Variants in NPY2R observed in about 807,000 individuals in gnomAD.
The protein encoded by NPY2R is neuropeptide Y receptor type 2.
A neutral mutation model predicts 22.3 loss-of-function variants in NPY2R; 17 were observed. The observed-to-expected ratio is 0.76, with a 90% CI of 0.52 to 1.14. The LOEUF (loss-of-function observed/expected upper bound fraction) is 1.14. Among genes scored for constraint, NPY2R ranks in the 50% most tolerant of loss-of-function variants. The pLI, the probability that NPY2R is intolerant of heterozygous loss-of-function variation, is 0.00. For missense variants in NPY2R, 424 were observed against 467.9 expected (o/e 0.91, Z 0.87); for synonymous variants, 209 against 183.4 (o/e 1.14, Z -1.13).
chr4:155,196,703 G>A, the NPY2R span, among the ~76,000 whole-genome samples: 3 of 152,018 alleles, frequency 2.0e-5, no homozygotes, highest in South Asian at 6.2e-4. Flanking sequence ...GTCAAGAGTG[G>A]TGAGGCTGAA....
At chr4:155,197,428 TCTTC>T in the NPY2R span, among the ~76,000 whole-genome samples, 144 of 151,970 alleles carry the variant, frequency 9.5e-4, no homozygotes, top group African/African-American at 3.3e-3. Context: ...CTCTCCCACT[TCTTC>T]CTTCCTTCCT....
At position 155,214,106 on chromosome 4, in the gene NPY2R, C is replaced by G. The variant is rs1023087982; in HGVS notation, c.167C>G (p.Ala56Gly). Residue 56 changes from alanine to glycine, a missense_variant, in exon 2 of 2, where the codon GCC becomes GGC. Physicochemically the swap from Ala to Gly is moderately conservative, Grantham distance 60 (BLOSUM62 0). Transcript: ENST00000329476. ...GAGGTACAAGTTGTTCTCATATTGG[C>G]CTACTGCTCCATCATCTTGCTTGGG... Reference protein sequence around the residue: ...LIEVQVVLILAYCSIILLGVI... With the variant: ...LIEVQVVLILGYCSIILLGVI... 4.3e-6 allele frequency: 7 copies of G among 1,613,764 alleles called. No homozygotes were observed. The African/African-American group carries it at 6.7e-5, about 15-fold the overall frequency.
the NPY2R span, among the ~76,000 whole-genome samples, chr4:155,181,069 T>C: frequency 6.6e-6 from 1 of 152,222 alleles, no homozygotes; most frequent in Non-Finnish European, 1.5e-5. Context: ...TGAATAAAAC[T>C]GTGCAAACAT....
At chr4:155,199,433 A>G in the NPY2R span, among the ~76,000 whole-genome samples, 1 of 152,136 alleles carries the variant, frequency 6.6e-6, no homozygotes, top group Non-Finnish European at 1.5e-5. Context: ...TAAAATGGCC[A>G]TACTGCCCAA....
intron 1 of NPY2R, among the ~76,000 whole-genome samples, chr4:155,212,492 G>A (rs1470796202): frequency 4.6e-5 from 7 of 152,042 alleles, no homozygotes; most frequent in East Asian, 3.9e-4. Flanking sequence ...GTCTTCACCC[G>A]GCAAAAACCC....
chr4:155,208,752 G>C lies in NPY2R; in HGVS notation c.-366G>C, dbSNP rs1729336765. On this transcript the variant is annotated 5_prime_UTR_variant, in exon 1 of 2. Coordinates refer to ENST00000329476, the MANE Select transcript of NPY2R (RefSeq NM_000910.4). This position sits in a 1 kb window ranked among gnomAD's most constrained non-coding sequence, Gnocchi z 5.6. ...CCTGTTTTCTTGTGTTTAAGGGTGG[G>C]GTTTGCCCCCCTCCCCACGCTCCCA... 6.6e-6 allele frequency: 1 copy of C among 152,370 alleles called. No individual in the cohort carries two copies. The highest frequency in any genetic ancestry group is 2.1e-4 in the South Asian group (1 of 4,832). 9.4% of individuals were successfully genotyped at this position (152,370 alleles called of 1,614,324 possible). A position where few individuals can be genotyped will look rare whatever the true frequency, so the allele number is the denominator to read the frequency against.
the NPY2R span, among the ~76,000 whole-genome samples, chr4:155,192,519 G>C: frequency 9.2e-5 from 14 of 151,736 alleles, no homozygotes; most frequent in Non-Finnish European, 2.1e-4. Context: ...AAACAAAAAA[G>C]AGTCCATTTC....
the NPY2R span, among the ~76,000 whole-genome samples, chr4:155,181,375 A>C: frequency 2.0e-5 from 3 of 152,190 alleles, no homozygotes; most frequent in African/African-American, 7.2e-5. Flanking sequence ...GAAATATTCA[A>C]AGAGTTAGGG....
intron 1 of NPY2R, among the ~76,000 whole-genome samples, chr4:155,213,095 T>A (rs949963478): frequency 2.0e-5 from 3 of 152,114 alleles, no homozygotes; most frequent in African/African-American, 7.2e-5. Context: ...CACAAAAGCA[T>A]ACAGAGTGGT....
chr4:155,182,278 T>C, the NPY2R span, among the ~76,000 whole-genome samples: 1 of 152,202 alleles, frequency 6.6e-6, no homozygotes, highest in Non-Finnish European at 1.5e-5. Context: ...TGGAGTCCAC[T>C]GGTCTTAGCT....
the NPY2R span, among the ~76,000 whole-genome samples, chr4:155,193,521 G>A: frequency 6.6e-6 from 1 of 151,888 alleles, no homozygotes; most frequent in Non-Finnish European, 1.5e-5. Flanking sequence ...TTGAGTCAGA[G>A]GGAAATCTAC....
chr4:155,213,369 T>C (rs1395711328), intron 1 of NPY2R, among the ~76,000 whole-genome samples: 1 of 152,222 alleles, frequency 6.6e-6, no homozygotes, highest in Non-Finnish European at 1.5e-5. Flanking sequence ...CTGCTTGGTT[T>C]ATCTGAGATA....
the NPY2R span, among the ~76,000 whole-genome samples, chr4:155,182,076 A>G: frequency 2.6e-5 from 4 of 152,172 alleles, no homozygotes; most frequent in Non-Finnish European, 5.9e-5. Flanking sequence ...TTTCACAGAG[A>G]AAATAACTAA....
chr4:155,191,402 T>C, the NPY2R span, among the ~76,000 whole-genome samples: 1 of 151,886 alleles, frequency 6.6e-6, no homozygotes, highest in East Asian at 1.9e-4. Context: ...ATTCTCATAA[T>C]CTTGGAACTG....
chr4:155,199,341 C>T, the NPY2R span, among the ~76,000 whole-genome samples: 2 of 151,972 alleles, frequency 1.3e-5, no homozygotes, highest in East Asian at 3.9e-4. Flanking sequence ...AGGAGAAATA[C>T]AAACTACTGC....
chr4:155,214,470 CCTG>C lies in NPY2R; in HGVS notation c.535_537del (p.Leu179del). On this transcript the variant is annotated inframe_deletion, in exon 2 of 2. Transcript: ENST00000329476. ...TTGGCTTGGCCTGGGGCATCAGTGC[CCTG>C]CTGGCAAGTCCCCTGGCCATCTTCC... 1 of 1,614,100 alleles carries C rather than the reference CCTG, an allele frequency of 6.2e-7. No homozygotes were observed. Among genetic ancestry groups the C allele is most frequent in the Non-Finnish European group, 8.5e-7 (1 of 1,180,018 alleles).
At position 155,214,382 on chromosome 4, in the gene NPY2R, G is replaced by A. The variant is rs763641957; in HGVS notation, c.443G>A (p.Arg148Gln). ...ACCTTGACAGTAATTGCCCTGGACC[G>A]GCACAGGTGCATCGTCTACCACCTA... Reference protein sequence around the residue: ...TITLTVIALDRHRCIVYHLES... With the variant: ...TITLTVIALDQHRCIVYHLES... The change falls in exon 2 of 2, where the codon CGG becomes CAG. Residue 148 changes from arginine to glutamine, a missense_variant. Transcript: ENST00000329476. The A allele has an allele frequency of 5.0e-6, 8 of 1,613,868 alleles. No individual in the cohort carries two copies. The highest frequency in any genetic ancestry group is 1.7e-5 in the Admixed American group (1 of 59,988).
At chr4:155,192,330 A>G in the NPY2R span, among the ~76,000 whole-genome samples, 1 of 151,880 alleles carries the variant, frequency 6.6e-6, no homozygotes, top group African/African-American at 2.4e-5. Flanking sequence ...GCTGGCAAAT[A>G]GAAAATAATT....
the NPY2R span, among the ~76,000 whole-genome samples, chr4:155,194,916 A>T: frequency 6.6e-5 from 10 of 151,914 alleles, 1 homozygote; most frequent in East Asian, 1.9e-3. Context: ...TGACTTTTTC[A>T]TAATAGCCAT....
Sources: allele counts gnomAD v4.1 joint callset (sites outside exome capture counted in the v4.1 genomes callset), GRCh38; gene constraint gnomAD v4.1.1; non-coding constraint Gnocchi (gnomAD v3.1); transcripts MANE v1.5; gene names NCBI Gene and HGNC (gene_info 2026-07-23, HGNC 2026-07-21).